Variants in ACTR3 observed in about 807,000 individuals in gnomAD.
The protein encoded by ACTR3 is actin related protein 3, also known as actin-related protein 3.
Under a neutral mutation model 56.8 loss-of-function variants are expected in ACTR3, and 12 were observed. The observed-to-expected ratio is 0.21, with a 90% CI of 0.14 to 0.34. The LOEUF (loss-of-function observed/expected upper bound fraction) is 0.34, where lower values mean the gene tolerates loss of function less well. ACTR3 is among the 10% of genes least tolerant of loss of function. The pLI is 1.00. For missense variants in ACTR3, 282 were observed against 512.5 expected (o/e 0.55, Z 4.34); for synonymous variants, 162 against 167.4 (o/e 0.97, Z 0.25).
In ACTR3 at chr2:113,918,385, T is replaced by C. The variant is rs550524576; in HGVS notation, c.225+1377T>C. On this transcript the variant is annotated intron_variant, in intron 3 of 11. Transcript: ENST00000263238. Reference sequence around the variant, plus strand: ...TACTTGAAGATTTTTTTCTTTTCTTTCTTTTTTTTTTTTTTTAAGACAAAG... The same window carrying C: ...TACTTGAAGATTTTTTTCTTTTCTTCCTTTTTTTTTTTTTTTAAGACAAAG... 4.1e-5 allele frequency among the ~76,000 whole-genome samples: 6 copies of C among 145,930 alleles called. No individual in the cohort carries two copies. The East Asian group carries it at 1.2e-3, about 28-fold the overall frequency.
At chr2:113,940,887 C>T (rs1001289573) in intron 7 of ACTR3, among the ~76,000 whole-genome samples, 1 of 149,460 alleles carries the variant, frequency 6.7e-6, no homozygotes, top group Non-Finnish European at 1.5e-5. Flanking sequence ...GTGGCACACT[C>T]GTGGCTCACT....
At chr2:113,918,272 G>A (rs10165272) in intron 3 of ACTR3, among the ~76,000 whole-genome samples, 26,638 of 152,014 alleles carry the variant, frequency 0.18, 4,164 homozygotes, top group African/African-American at 0.4. Flanking sequence ...AATCCTGTCT[G>A]TGCTAATTTC....
chr2:113,944,065 A>AT, intron 8 of ACTR3, among the ~76,000 whole-genome samples: 1 of 152,292 alleles, frequency 6.6e-6, no homozygotes, highest in East Asian at 1.9e-4. Context: ...GGGAGGGTAA[A>AT]TAGTGCCAGT....
intron 1 of ACTR3, among the ~76,000 whole-genome samples, chr2:113,892,964 G>A (rs369183385): frequency 2.0e-5 from 3 of 152,104 alleles, no homozygotes; most frequent in East Asian, 3.9e-4. Flanking sequence ...CTAGATTCAG[G>A]TCATAAAAGA....
chr2:113,915,575 T>C (rs1219234116), intron 2 of ACTR3, among the ~76,000 whole-genome samples: 2 of 152,250 alleles, frequency 1.3e-5, no homozygotes, highest in Non-Finnish European at 2.9e-5. Flanking sequence ...GTATAATCTT[T>C]TGTTGTGATT....
intron 3 of ACTR3, among the ~76,000 whole-genome samples, chr2:113,919,437 C>T (rs933273776): frequency 6.6e-6 from 1 of 151,910 alleles, no homozygotes; most frequent in African/African-American, 2.4e-5. Flanking sequence ...TGTAAAATTT[C>T]CTATATTCTA....
At chr2:113,921,610 A>T (rs1679513158) in intron 3 of ACTR3, among the ~76,000 whole-genome samples, 1 of 152,134 alleles carries the variant, frequency 6.6e-6, no homozygotes, top group Non-Finnish European at 1.5e-5. Flanking sequence ...TGGGTCTTAG[A>T]TTTAAATCTT....
chr2:113,913,975 A>G (rs1679356033), intron 2 of ACTR3, among the ~76,000 whole-genome samples: 2 of 152,228 alleles, frequency 1.3e-5, no homozygotes, highest in Admixed American at 6.5e-5. Flanking sequence ...CAGCCAAATT[A>G]AAACTTTTGC....
chr2:113,895,874 T>A (rs1453585780), intron 1 of ACTR3, among the ~76,000 whole-genome samples: 2 of 152,182 alleles, frequency 1.3e-5, no homozygotes, highest in African/African-American at 4.8e-5. Flanking sequence ...TTTTTTTGTT[T>A]GTTTTTGAGA....
In ACTR3 at chr2:113,960,731, A is replaced by G. The variant is rs527777742; in HGVS notation, c.*3276A>G. ...TTCTTTCTGATCTTTCGTAGTTCATAGTCACCAGGCATGAGTACCTTGGAT... is the reference window on the plus strand; with the variant it reads ...TTCTTTCTGATCTTTCGTAGTTCATGGTCACCAGGCATGAGTACCTTGGAT... On this transcript the variant is annotated 3_prime_UTR_variant, in exon 12 of 12. Transcript: ENST00000263238. The G allele has an allele frequency of 1.3e-5, 2 of 152,046 alleles. No homozygotes were observed. Among genetic ancestry groups the G allele is most frequent in the South Asian group, 2.1e-4 (1 of 4,828 alleles). 9.4% of individuals were successfully genotyped at this position (152,046 alleles called of 1,614,324 possible). A position where few individuals can be genotyped will look rare whatever the true frequency, so the allele number is the denominator to read the frequency against.
At position 113,958,390 on chromosome 2, in the gene ACTR3, G is replaced by A. The variant is rs1680262505; in HGVS notation, c.*935G>A. On this transcript the variant is annotated 3_prime_UTR_variant, in exon 12 of 12. Coordinates refer to ENST00000263238, the MANE Select transcript of ACTR3 (RefSeq NM_005721.5). ...TGTAATGTGCTCAATACAAATACTT[G>A]TGAACTTTTAATATGTTGAGTGCTT... 6.6e-6 allele frequency: 1 copy of A among 152,488 alleles called. No homozygotes were observed. Among genetic ancestry groups the A allele is most frequent in the Admixed American group, 6.6e-5 (1 of 15,246 alleles). 9.4% of individuals were successfully genotyped at this position (152,488 alleles called of 1,614,324 possible).
At chr2:113,955,740 T>C in intron 11 of ACTR3, 34 bp downstream of exon 11, 1 of 1,503,014 alleles carries the variant, frequency 6.7e-7, no homozygotes, top group Non-Finnish European at 9.2e-7. Flanking sequence ...TATTTTATTT[T>C]ATCATTATTA....
intron 1 of ACTR3, among the ~76,000 whole-genome samples, chr2:113,896,950 G>A (rs1504042): frequency 0.18 from 26,654 of 152,146 alleles, 4,181 homozygotes; most frequent in African/African-American, 0.4. Context: ...ACTAGGAGCA[G>A]AAGTTTGGAA....
At chr2:113,917,067 T>G in intron 3 of ACTR3, 59 bp downstream of exon 3, 1 of 1,455,130 alleles carries the variant, frequency 6.9e-7, no homozygotes, top group Non-Finnish European at 9.3e-7. Flanking sequence ...TCGATGCTTG[T>G]GCCCTCTGGA....
chr2:113,892,459 T>A (rs1678923426), intron 1 of ACTR3, among the ~76,000 whole-genome samples: 1 of 152,208 alleles, frequency 6.6e-6, no homozygotes, highest in African/African-American at 2.4e-5. Flanking sequence ...CAATCTGAAA[T>A]TCCCCCTTTA....
At chr2:113,902,394 T>C (rs1173383590) in intron 1 of ACTR3, among the ~76,000 whole-genome samples, 5 of 151,988 alleles carry the variant, frequency 3.3e-5, no homozygotes, top group African/African-American at 1.2e-4. Flanking sequence ...TGATGTATTA[T>C]ATATTTTATA....
intron 4 of ACTR3, 93 bp from the exon 5 acceptor site, chr2:113,931,208 G>A (rs1679717959): frequency 1.4e-6 from 1 of 690,744 alleles, no homozygotes; most frequent in East Asian, 3.3e-5. Context: ...TAAATAAAAT[G>A]TTTGAAATAA....
At chr2:113,893,514 C>G (rs1678946877) in intron 1 of ACTR3, among the ~76,000 whole-genome samples, 1 of 151,998 alleles carries the variant, frequency 6.6e-6, no homozygotes, top group South Asian at 2.1e-4. Flanking sequence ...GGATGGTCTC[C>G]ATCTCCTGAC....
chr2:113,902,842 G>A (rs950221510), intron 1 of ACTR3, among the ~76,000 whole-genome samples: 5 of 152,062 alleles, frequency 3.3e-5, no homozygotes, highest in Non-Finnish European at 7.4e-5. Flanking sequence ...TCAGGTGATC[G>A]CCCGCCTGGG....
Sources: allele counts gnomAD v4.1 joint callset (sites outside exome capture counted in the v4.1 genomes callset), GRCh38; gene constraint gnomAD v4.1.1; transcripts MANE v1.5; gene names NCBI Gene and HGNC (gene_info 2026-07-23, HGNC 2026-07-21).